Variants in DPYD observed in about 807,000 individuals in gnomAD.
DPYD encodes dihydropyrimidine dehydrogenase [NADP(+)].
Under a neutral mutation model 116.2 loss-of-function variants are expected in DPYD, and 109 were observed. The ratio of observed to expected loss-of-function variants is 0.94; its 90% CI spans 0.80 to 1.10. The LOEUF (loss-of-function observed/expected upper bound fraction) is 1.10, where lower values mean the gene tolerates loss of function less well. Ranked by LOEUF, DPYD falls within the 50% of genes least tolerant of loss-of-function variation. The pLI is 0.00. For synonymous variants in DPYD, 440 were observed against 432.0 expected (o/e 1.02, Z -0.23); for missense variants, 1,302 against 1,254.5 (o/e 1.04, Z -0.57).
chr1:97,195,569 CATATATATAT>C lies in DPYD; in HGVS notation c.2443-2331_2443-2322del, dbSNP rs1200424384. On this transcript the variant is annotated intron_variant, in intron 19 of 22. Transcript: ENST00000370192. ...GAGAGAGAGAGAGAGACAGAACTCT[CATATATATAT>C]ATATATATATATATATGTGTGTGTG... is the stretch of plus-strand genomic sequence containing the variant. Among the ~76,000 whole-genome samples, 100 of 37,384 alleles carry C rather than the reference CATATATATAT, an allele frequency of 2.7e-3. 10 individuals carry two copies. The highest frequency in any genetic ancestry group is 0.026 in the Middle Eastern group (2 of 76). 24.5% of individuals were successfully genotyped at this position (37,384 alleles called of 152,430 possible). A position where few individuals can be genotyped will look rare whatever the true frequency, so the allele number is the denominator to read the frequency against.
At chr1:97,401,027 C>T (rs1285212057) in intron 14 of DPYD, among the ~76,000 whole-genome samples, 1 of 151,914 alleles carries the variant, frequency 6.6e-6, no homozygotes, top group Non-Finnish European at 1.5e-5. Context: ...TGTAGTGGTA[C>T]CTCATTGTTG....
chr1:97,881,818 GCTTT>G (rs1672236664), intron 2 of DPYD, among the ~76,000 whole-genome samples: 1 of 151,514 alleles, frequency 6.6e-6, no homozygotes, highest in Admixed American at 6.6e-5. Context: ...GTCTTTAAGG[GCTTT>G]CTAAGTTTAA....
At chr1:97,579,137 C>A (rs1653466442) in intron 10 of DPYD, among the ~76,000 whole-genome samples, 1 of 152,128 alleles carries the variant, frequency 6.6e-6, no homozygotes, top group Non-Finnish European at 1.5e-5. Flanking sequence ...AGACACCCAG[C>A]AAATCAGAAT....
At chr1:97,227,865 T>C (rs983375607) in intron 19 of DPYD, among the ~76,000 whole-genome samples, 1 of 151,988 alleles carries the variant, frequency 6.6e-6, no homozygotes, top group Non-Finnish European at 1.5e-5. Context: ...AAATAAACTG[T>C]GAGGTGATAT....
intron 19 of DPYD, among the ~76,000 whole-genome samples, chr1:97,195,634 GTATATATATATATATATA>G (rs71071637): frequency 0.018 from 1,031 of 57,612 alleles, 33 homozygotes; most frequent in East Asian, 0.028. Flanking sequence ...ATATGTATGT[GTATATATATATATATATA>G]TATATATATA....
chr1:97,751,299 CAT>C (rs1571298685), intron 3 of DPYD, among the ~76,000 whole-genome samples: 2 of 148,286 alleles, frequency 1.3e-5, no homozygotes, highest in South Asian at 2.1e-4. Context: ...TATACACACA[CAT>C]ATATATACAC....
At chr1:97,882,183 A>G (rs896559970) in intron 2 of DPYD, among the ~76,000 whole-genome samples, 1 of 152,054 alleles carries the variant, frequency 6.6e-6, no homozygotes, top group Non-Finnish European at 1.5e-5. Flanking sequence ...GCATCATGAT[A>G]GAAAACAAAG....
At chr1:97,599,239 T>C (rs559862021) in intron 8 of DPYD, among the ~76,000 whole-genome samples, 1 of 152,334 alleles carries the variant, frequency 6.6e-6, no homozygotes, top group South Asian at 2.1e-4. Flanking sequence ...TATTTGATAT[T>C]CTTTGAAATG....
intron 12 of DPYD, among the ~76,000 whole-genome samples, chr1:97,527,092 T>A (rs1348045531): frequency 6.6e-6 from 1 of 151,966 alleles, no homozygotes; most frequent in African/African-American, 2.4e-5. Flanking sequence ...TTTTTCTTTT[T>A]TTTTGAGACG....
At chr1:97,875,159 T>C (rs2101624896) in intron 2 of DPYD, among the ~76,000 whole-genome samples, 1 of 152,106 alleles carries the variant, frequency 6.6e-6, no homozygotes, top group East Asian at 1.9e-4. Context: ...GCATTTTTAG[T>C]GTCAAGAATT....
At chr1:97,271,397 C>G (rs1171105697) in intron 18 of DPYD, among the ~76,000 whole-genome samples, 1 of 152,074 alleles carries the variant, frequency 6.6e-6, no homozygotes, top group Non-Finnish European at 1.5e-5. Context: ...TGGAATTAGA[C>G]AAAAAGGACC....
At chr1:97,194,243 G>T (rs1449897749) in intron 19 of DPYD, among the ~76,000 whole-genome samples, 1 of 152,078 alleles carries the variant, frequency 6.6e-6, no homozygotes, top group Non-Finnish European at 1.5e-5. Context: ...CCTGGTGGGG[G>T]TAACTGAATC....
intron 19 of DPYD, among the ~76,000 whole-genome samples, chr1:97,194,026 T>A (rs768913356): frequency 2.0e-4 from 31 of 152,166 alleles, no homozygotes; most frequent in Non-Finnish European, 3.8e-4. Flanking sequence ...ACAACTCACT[T>A]CCCAATTAGA....
chr1:97,902,744 T>C (rs933623894), intron 1 of DPYD, among the ~76,000 whole-genome samples: 11 of 151,872 alleles, frequency 7.2e-5, no homozygotes, highest in Non-Finnish European at 1.5e-4. Flanking sequence ...ATGAGATTTC[T>C]TTATTATTTT....
At chr1:97,186,200 A>G (rs1345223485) in intron 20 of DPYD, among the ~76,000 whole-genome samples, 1 of 152,152 alleles carries the variant, frequency 6.6e-6, no homozygotes, top group Non-Finnish European at 1.5e-5. Context: ...TATTACCACA[A>G]CCAAATAGCA....
chr1:97,828,757 C>T (rs569256640), intron 2 of DPYD, among the ~76,000 whole-genome samples: 102 of 151,900 alleles, frequency 6.7e-4, no homozygotes, highest in Non-Finnish European at 1.3e-3. Flanking sequence ...TACAACTGCA[C>T]ATATATATTT....
intron 4 of DPYD, among the ~76,000 whole-genome samples, chr1:97,727,693 T>C (rs1251803091): frequency 6.6e-6 from 1 of 151,734 alleles, no homozygotes. Context: ...ACAAATAACT[T>C]TGAAGAAATG....
intron 18 of DPYD, among the ~76,000 whole-genome samples, chr1:97,298,297 T>G (rs1426465156): frequency 6.6e-6 from 1 of 152,072 alleles, no homozygotes; most frequent in African/African-American, 2.4e-5. Context: ...CCTCCAAGCC[T>G]TATGTATCAG....
Position 97,206,638 on chromosome 1 carries a change from T to TTATA in DPYD, c.2443-13394_2443-13391dup, listed in dbSNP as rs57893705. On this transcript the variant is annotated intron_variant, in intron 19 of 22. Coordinates refer to ENST00000370192, the MANE Select transcript of DPYD (RefSeq NM_000110.4). ...GCTTTCATGTGAAAACAGGGAGATT[T>TTATA]TATATATATATATATATATATATAT... Among the ~76,000 whole-genome samples, 199 of 48,934 alleles carry TTATA rather than the reference T, an allele frequency of 4.1e-3. 2 individuals carry two copies. The highest frequency in any genetic ancestry group is 8.0e-3 in the Non-Finnish European group (137 of 17,164). The allele number at this position is 48,934 out of a possible 152,430, so 32.1% of individuals were successfully genotyped here.
Sources: gnomAD v4.1 joint callset for allele counts (sites outside exome capture counted in the v4.1 genomes callset) on GRCh38, gnomAD v4.1.1 for gene constraint, MANE v1.5 for transcripts, NCBI Gene and HGNC (gene_info 2026-07-23, HGNC 2026-07-21) for gene names.